The following TMEM43 variants were observed in gnomAD, a reference collection of about 807,000 sequenced individuals.
TMEM43 encodes transmembrane protein 43, also known as arrhythmogenic right ventricular dysplasia 5.
TMEM43 carries 45 observed loss-of-function variants against 49.6 expected under a neutral mutation model. The observed-to-expected ratio is 0.91, with a 90% confidence interval of 0.71 to 1.16. The LOEUF (loss-of-function observed/expected upper bound fraction) is 1.16, where lower values mean the gene tolerates loss of function less well. TMEM43 is among the 50% of genes most tolerant of loss of function. The probability of loss-of-function intolerance (pLI) is 0.00; values close to 1 mark genes in which losing one functional copy is unlikely to be tolerated. For synonymous variants in TMEM43, 199 were observed against 207.8 expected (o/e 0.96, Z 0.36); for missense variants, 532 against 516.6 (o/e 1.03, Z -0.29).
chr3:14,140,441 G>A (rs1234891178), intron 11 of TMEM43, among the ~76,000 whole-genome samples: 1 of 152,138 alleles, frequency 6.6e-6, no homozygotes, highest in South Asian at 2.1e-4. Context: ...CCCCCAGGGT[G>A]GGTGGGGAGA....
At chr3:14,141,349 C>A (rs1695242856) in intron 11 of TMEM43, among the ~76,000 whole-genome samples, 1 of 152,194 alleles carries the variant, frequency 6.6e-6, no homozygotes, top group Admixed American at 6.5e-5. Context: ...ACTGCTACAT[C>A]CTCTCCCCTG....
chr3:14,139,070 A>G, intron 10 of TMEM43, 110 bp from the exon 11 acceptor site: 3 of 824,632 alleles, frequency 3.6e-6, no homozygotes, highest in Non-Finnish European at 6.4e-6. Flanking sequence ...TGGCCTGTTC[A>G]GAAATGGCCA....
At chr3:14,129,593 G>A (rs777198101) in intron 2 of TMEM43, 32 bp downstream of exon 2, 5 of 1,613,204 alleles carry the variant, frequency 3.1e-6, no homozygotes, top group Non-Finnish European at 3.4e-6. Flanking sequence ...TGTGCAGAGT[G>A]AGAGTCCCCA....
intron 1 of TMEM43, among the ~76,000 whole-genome samples, chr3:14,127,401 C>A (rs1484880071): frequency 6.6e-6 from 1 of 152,110 alleles, no homozygotes; most frequent in Non-Finnish European, 1.5e-5. Flanking sequence ...GAGGAAGACA[C>A]GCCTTATTTT....
intron 6 of TMEM43, 26 bp from the exon 7 acceptor site, chr3:14,133,713 C>G (rs1257511149): frequency 2.5e-6 from 4 of 1,612,456 alleles, no homozygotes; most frequent in Non-Finnish European, 2.5e-6. Flanking sequence ...CGGTGCCCAT[C>G]TCTGACAGCT....
At chr3:14,129,329 AAAAAAT>A in intron 1 of TMEM43, 77 bp from the exon 2 acceptor site, 1 of 1,101,348 alleles carries the variant, frequency 9.1e-7, no homozygotes, top group African/African-American at 1.6e-5. Flanking sequence ...AAAAAAAAAA[AAAAAAT>A]TGAGTATAAA....
chr3:14,134,878 C>T lies in TMEM43; in HGVS notation c.692C>T (p.Pro231Leu), dbSNP rs533275736. 73 of 1,614,148 alleles carry T rather than the reference C, an allele frequency of 4.5e-5. No homozygotes were observed. In the Admixed American group the frequency reaches 7.7e-4, roughly 17 times the overall value. ...GACTTTTTCTACCACAGCGAAAATCCCAAGTATCCAGAGGTGTGCGGAGAG... is the reference window on the plus strand; with the variant it reads ...GACTTTTTCTACCACAGCGAAAATCTCAAGTATCCAGAGGTGTGCGGAGAG... The part of the protein sequence containing the change: ...RGDFFYHSEN[P>L]KYPEVGDLRV... Residue 231 changes from proline (P) to leucine (L), a missense_variant, in exon 8 of 12, where the codon CCC (proline) becomes CTC (leucine). Pro to Leu is a moderately conservative substitution (Grantham distance 98). Transcript: ENST00000306077.
chr3:14,125,477 A>ATC (rs2124982144), intron 1 of TMEM43, among the ~76,000 whole-genome samples: 1 of 151,688 alleles, frequency 6.6e-6, no homozygotes, highest in South Asian at 2.1e-4. Context: ...CCGTACTGGG[A>ATC]TCTGCTTGTA....
Position 14,141,677 on chromosome 3 carries a change from T to G in TMEM43, c.1085T>G (p.Leu362Arg), listed in dbSNP as rs756256793. The G allele has an allele frequency of 1.9e-5, 30 of 1,614,130 alleles. No individual in the cohort carries two copies. The South Asian group carries it at 3.1e-4, about 17-fold the overall frequency. Residue 362 changes from leucine to arginine, a missense_variant, in exon 12 of 12, where the codon CTG becomes CGG. Coordinates refer to ENST00000306077, the MANE Select transcript of TMEM43 (RefSeq NM_024334.3). ...TGTGTGGCCACCTCGCTGACCCTGC[T>G]GACCGTGGCGGCTGGCTGGCTCTTC... Reference protein sequence around the residue: ...AFCVATSLTLLTVAAGWLFYR... With the variant: ...AFCVATSLTLRTVAAGWLFYR...
At chr3:14,140,877 G>A (rs1307443057) in intron 11 of TMEM43, among the ~76,000 whole-genome samples, 4 of 152,222 alleles carry the variant, frequency 2.6e-5, no homozygotes, top group African/African-American at 9.7e-5. Flanking sequence ...TGGGGCACCA[G>A]GGCTTGCTCT....
intron 1 of TMEM43, chr3:14,128,800 C>T: frequency 3.2e-6 from 1 of 312,172 alleles, no homozygotes; most frequent in South Asian, 2.6e-5. Context: ...AATGAAAGCA[C>T]ATGTCTGCAT....
chr3:14,139,209 C>A lies in TMEM43; in HGVS notation c.912C>A (p.Asn304Lys). 6.2e-7 allele frequency: 1 copy of A among 1,614,184 alleles called. No individual in the cohort carries two copies. Among genetic ancestry groups the A allele is most frequent in the Non-Finnish European group, 8.5e-7 (1 of 1,180,002 alleles). The change falls in exon 11 of 12, where the codon AAC becomes AAA. Residue 304 changes from asparagine to lysine, a missense_variant. By Grantham distance (94) the Asn-to-Lys change is moderately conservative. Coordinates refer to ENST00000306077, the MANE Select transcript of TMEM43 (RefSeq NM_024334.3). The part of the protein sequence containing the change: ...EEVFHRELRS[N>K]SMKTWGLRAA... ...TGTTTCATAGAGAACTAAGGAGCAA[C>A]TCCATGAAGACCTGGGGCCTGCGGG...
chr3:14,133,860 C>T (rs1037065936), intron 7 of TMEM43, 51 bp downstream of exon 7: 3 of 1,544,998 alleles, frequency 1.9e-6, no homozygotes, highest in Admixed American at 1.7e-5. Context: ...ACAAGGCCCC[C>T]CTAGGGCCGG....
Position 14,132,549 on chromosome 3 carries a change from G to C in TMEM43, c.396G>C (p.Glu132Asp), listed in dbSNP as rs1553603024. ...GGCTGCTTTGCTTTCCCTGCAGGGA[G>C]TACACCGAGGATGGGCAGGTGAAGA... The part of the protein sequence containing the change: ...YQWVETEESR[E>D]YTEDGQVKKE... Residue 132 changes from glutamate to aspartate, a missense_variant, in exon 5 of 12, where the codon GAG becomes GAC. Coordinates refer to ENST00000306077, the MANE Select transcript of TMEM43 (RefSeq NM_024334.3). 2.5e-6 allele frequency: 4 copies of C among 1,614,178 alleles called. No homozygotes were observed. In the African/African-American group the frequency reaches 5.3e-5, roughly 22 times the overall value.
intron 1 of TMEM43, among the ~76,000 whole-genome samples, chr3:14,125,420 G>C (rs1574934905): frequency 6.6e-6 from 1 of 152,190 alleles, no homozygotes; most frequent in Non-Finnish European, 1.5e-5. Flanking sequence ...TCCTTGGCTC[G>C]CCTCGTCCTC....
At position 14,135,901 on chromosome 3, in the gene TMEM43, C is replaced by G; in HGVS notation, c.875C>G (p.Ser292Ter). Residue 292 changes from serine (S) to a stop codon, truncating the protein, a stop_gained, in exon 10 of 12, where the codon TCA (serine) becomes TGA (stop). Transcript: ENST00000306077. LOFTEE classifies it high-confidence loss of function. ...TLLLLHHGDF[S>*]AEEVFHRELR... ...CTGCTCCTGCACCACGGGGACTTCT[C>G]AGCAGAGGTGAGTGCTGTGCCCTAC... 6.2e-7 allele frequency: 1 copy of G among 1,614,004 alleles called. No homozygotes were observed. The highest frequency in any genetic ancestry group is 8.5e-7 in the Non-Finnish European group (1 of 1,179,862).
At chr3:14,136,131 T>A (rs1574939869) in intron 10 of TMEM43, 1 of 635,226 alleles carries the variant, frequency 1.6e-6, no homozygotes, top group East Asian at 2.9e-5. Flanking sequence ...CATAATGAGA[T>A]CTCTTGGGGA....
In TMEM43 at chr3:14,139,262, G is replaced by C; in HGVS notation, c.965G>C (p.Gly322Ala). The change falls in exon 11 of 12, where the codon GGC becomes GCC. Residue 322 changes from glycine to alanine, a missense_variant. By Grantham distance (60) the Gly-to-Ala change is moderately conservative. Coordinates refer to ENST00000306077, the MANE Select transcript of TMEM43 (RefSeq NM_024334.3). ...GCTGGCTGGATGGCCATGTTCATGGGCCTCAACCTTATGACACGGATCCTC... is the reference window on the plus strand; with the variant it reads ...GCTGGCTGGATGGCCATGTTCATGGCCCTCAACCTTATGACACGGATCCTC... ...RAAGWMAMFM[G>A]LNLMTRILYT... is the part of the protein sequence containing the mutation. 6.2e-7 allele frequency: 1 copy of C among 1,614,128 alleles called. No individual in the cohort carries two copies. Among genetic ancestry groups the C allele is most frequent in the Non-Finnish European group, 8.5e-7 (1 of 1,179,990 alleles).
rs549809535 is a variant in TMEM43, at chr3:14,135,199, C to A, written c.747C>A (p.Ser249Arg). Residue 249 changes from serine to arginine, a missense_variant, in exon 9 of 12, where the codon AGC becomes AGA. Coordinates refer to ENST00000306077, the MANE Select transcript of TMEM43 (RefSeq NM_024334.3). ...TCTCCTTTTCCTATGCTGGACTGAG[C>A]GGCGATGACCCTGACCTGGGCCCAG... is the stretch of plus-strand genomic sequence containing the variant. ...LRVSFSYAGL[S>R]GDDPDLGPAH... 4 of 1,612,440 alleles carry A rather than the reference C, an allele frequency of 2.5e-6. No homozygotes were observed. The highest frequency in any genetic ancestry group is 3.4e-6 in the Non-Finnish European group (4 of 1,179,992).
Sources: gnomAD v4.1 joint callset for allele counts (sites outside exome capture counted in the v4.1 genomes callset) on GRCh38, gnomAD v4.1.1 for gene constraint, MANE v1.5 for transcripts, NCBI Gene and HGNC (gene_info 2026-07-23, HGNC 2026-07-21) for gene names.